The following VWA8 variants were observed in gnomAD, a reference collection of about 807,000 sequenced individuals.
VWA8 encodes von Willebrand factor A domain containing 8, also known as von Willebrand factor A domain-containing protein 8.
A neutral mutation model predicts 241.5 loss-of-function variants in VWA8; 221 were observed. The observed-to-expected ratio is 0.91, with a 90% CI of 0.82 to 1.02. The LOEUF is 1.02. Ranked by LOEUF, VWA8 falls within the 50% of genes least tolerant of loss-of-function variation. VWA8 has a pLI of 0.00. For synonymous variants in VWA8, 852 were observed against 827.1 expected, an observed-to-expected ratio of 1.03 and a Z score of -0.52; for missense variants, 2,322 against 2,328.7, an observed-to-expected ratio of 1.00 and a Z score of 0.06.
chr13:41,757,864 G>A (rs575844998), intron 21 of VWA8, among the ~76,000 whole-genome samples: 12 of 151,638 alleles, frequency 7.9e-5, no homozygotes, highest in South Asian at 2.1e-4. Context: ...GGCTTTCTAC[G>A]GAACAAATTC....
chr13:41,701,517 A>AT lies in VWA8; in HGVS notation c.3238dup (p.Ile1080AsnfsTer12). 6.2e-7 allele frequency: 1 copy of AT among 1,607,118 alleles called. No individual in the cohort carries two copies. The highest frequency in any genetic ancestry group is 8.5e-7 in the Non-Finnish European group (1 of 1,177,228). On this transcript the variant is annotated frameshift_variant, in exon 28 of 45. Coordinates refer to ENST00000379310, the MANE Select transcript of VWA8 (RefSeq NM_015058.2). LOFTEE classifies it high-confidence loss of function. ...TTCTATTGGATACTCCTGTATATTT[A>AT]TAAGTGCTGGACCCTATAATAAAGC...
chr13:41,587,480 T>A, intron 42 of VWA8, 32 bp downstream of exon 42: 1 of 1,613,308 alleles, frequency 6.2e-7, no homozygotes, highest in Admixed American at 1.7e-5. Flanking sequence ...TGGTCAATGA[T>A]GCCTCTCATT....
chr13:41,790,219 A>C (rs1008549492), intron 17 of VWA8, among the ~76,000 whole-genome samples: 3 of 152,136 alleles, frequency 2.0e-5, no homozygotes, highest in Admixed American at 6.6e-5. Context: ...ATCCCCAAAT[A>C]GTCTTTCCTG....
In VWA8 at chr13:41,949,969, G is replaced by A; in HGVS notation, c.208C>T (p.Pro70Ser). The change falls in exon 2 of 45, where the codon CCT becomes TCT. Residue 70 changes from proline (P) to serine (S), a missense_variant. Physicochemically the swap from Pro to Ser is moderately conservative, Grantham distance 74 (BLOSUM62 -1). Coordinates refer to ENST00000379310, the MANE Select transcript of VWA8 (RefSeq NM_015058.2). ...TGTGGCACAAGTTCTGGATTCTTAG[G>A]AATTTTCAACTTGTAGGATACATCT... ...IGDVSYKLKI[P>S]KNPELVPQNY... 1 of 1,594,986 alleles carries A rather than the reference G, an allele frequency of 6.3e-7. No homozygotes were observed.
At chr13:41,938,664 AT>A (rs1566045998) in intron 2 of VWA8, among the ~76,000 whole-genome samples, 1 of 151,900 alleles carries the variant, frequency 6.6e-6, no homozygotes, top group East Asian at 1.9e-4. Flanking sequence ...AAAAAAAAAA[AT>A]ACATCTAAAG....
intron 3 of VWA8, among the ~76,000 whole-genome samples, chr13:41,908,589 A>C (rs1263579561): frequency 1.3e-5 from 2 of 152,084 alleles, no homozygotes; most frequent in African/African-American, 4.8e-5. Flanking sequence ...GTGATGAAAA[A>C]GGAGGAGGAA....
At chr13:41,764,684 C>T (rs1032029050) in intron 20 of VWA8, among the ~76,000 whole-genome samples, 8 of 151,898 alleles carry the variant, frequency 5.3e-5, no homozygotes, top group African/African-American at 1.5e-4. Flanking sequence ...GGGTAACAGT[C>T]AGTTGGAGAG....
chr13:41,902,273 C>G (rs1875489905), intron 4 of VWA8, among the ~76,000 whole-genome samples: 1 of 151,964 alleles, frequency 6.6e-6, no homozygotes. Context: ...GATAAAATGC[C>G]AGGTTTTTAA....
At chr13:41,593,368 C>T (rs773963970) in intron 40 of VWA8, among the ~76,000 whole-genome samples, 1 of 152,038 alleles carries the variant, frequency 6.6e-6, no homozygotes, top group Non-Finnish European at 1.5e-5. Context: ...GGCAAGAATC[C>T]CATGATCTCT....
At chr13:41,649,239 T>C (rs940168402) in intron 37 of VWA8, among the ~76,000 whole-genome samples, 1 of 152,120 alleles carries the variant, frequency 6.6e-6, no homozygotes, top group Non-Finnish European at 1.5e-5. Context: ...ACAGATTTCA[T>C]TATGATTACA....
At chr13:41,810,524 A>C (rs1448684969) in intron 17 of VWA8, among the ~76,000 whole-genome samples, 1 of 152,190 alleles carries the variant, frequency 6.6e-6, no homozygotes, top group Non-Finnish European at 1.5e-5. Flanking sequence ...AGCCATGCAT[A>C]GAAAGACAAA....
chr13:41,955,900 A>C (rs1191970595), intron 1 of VWA8: 5 of 152,226 alleles, frequency 3.3e-5, no homozygotes, highest in Non-Finnish European at 5.9e-5. Flanking sequence ...ACTGAGTTAT[A>C]GCCAAGTAAG....
chr13:41,951,600 C>T (rs1878142676), intron 1 of VWA8, among the ~76,000 whole-genome samples: 1 of 152,164 alleles, frequency 6.6e-6, no homozygotes, highest in Non-Finnish European at 1.5e-5. Context: ...GCAAAATAGG[C>T]ATGGTGATAC....
At chr13:41,668,536 C>G (rs1384760329) in intron 37 of VWA8, among the ~76,000 whole-genome samples, 1 of 152,090 alleles carries the variant, frequency 6.6e-6, no homozygotes, top group Non-Finnish European at 1.5e-5. Flanking sequence ...CTTGAAAGAT[C>G]AAACAGAAAG....
intron 9 of VWA8, among the ~76,000 whole-genome samples, chr13:41,870,477 A>G (rs746904851): frequency 6.6e-6 from 1 of 152,060 alleles, no homozygotes; most frequent in Non-Finnish European, 1.5e-5. Context: ...CGTCTCTACT[A>G]AAAATACAAA....
chr13:41,741,314 T>C (rs896218223), intron 21 of VWA8, among the ~76,000 whole-genome samples: 1 of 152,226 alleles, frequency 6.6e-6, no homozygotes, highest in African/African-American at 2.4e-5. Context: ...TGAGCTATTA[T>C]AAATTCCTTA....
chr13:41,606,235 T>G (rs1466490719), intron 39 of VWA8, among the ~76,000 whole-genome samples: 1 of 152,114 alleles, frequency 6.6e-6, no homozygotes, highest in Non-Finnish European at 1.5e-5. Context: ...AAGGGCTGAG[T>G]CTTTCTCATC....
intron 4 of VWA8, among the ~76,000 whole-genome samples, chr13:41,906,383 C>T (rs1036099874): frequency 6.6e-6 from 1 of 152,128 alleles, no homozygotes; most frequent in African/African-American, 2.4e-5. Flanking sequence ...GTGCATCCTT[C>T]TGGAAGTTTT....
intron 40 of VWA8, among the ~76,000 whole-genome samples, chr13:41,603,474 A>G (rs76983078): frequency 0.016 from 2,468 of 152,266 alleles, 71 homozygotes; most frequent in African/African-American, 0.056. Flanking sequence ...ATAGTCCTCA[A>G]CAAATACCAA....
Sources: allele counts gnomAD v4.1 joint callset (sites outside exome capture counted in the v4.1 genomes callset), GRCh38; gene constraint gnomAD v4.1.1; transcripts MANE v1.5; gene names NCBI Gene and HGNC (gene_info 2026-07-23, HGNC 2026-07-21).